TOR2A: variants seen among roughly 807,000 people sequenced by gnomAD.
TOR2A encodes the protein prosalusin.
Under a neutral mutation model 28.6 loss-of-function variants are expected in TOR2A, and 24 were observed. That is an observed-to-expected ratio of 0.84 (90% CI 0.61 to 1.18). TOR2A has a LOEUF of 1.18. Among genes scored for constraint, TOR2A ranks in the 50% most tolerant of loss-of-function variants. The pLI is 0.00. For synonymous variants in TOR2A, 203 were observed against 203.1 expected (o/e 1.00, Z 0.00); for missense variants, 426 against 448.1 (o/e 0.95, Z 0.45).
intron 1 of TOR2A, 104 bp downstream of exon 1, chr9:127,735,016 C>T (rs1418039341): frequency 1.7e-5 from 23 of 1,330,672 alleles, no homozygotes; most frequent in South Asian, 1.1e-4. Flanking sequence ...CCCTCTGGGT[C>T]CTCAGCTTCT....
At chr9:127,735,068 C>G (rs755100244) in intron 1 of TOR2A, 52 bp downstream of exon 1, 1,120 of 1,383,782 alleles carry the variant, frequency 8.1e-4, no homozygotes, top group Non-Finnish European at 9.9e-4. Context: ...CCAGCGCTCC[C>G]GCGTCTGCCC....
rs1844559305 is a variant in TOR2A at position 127,733,534 on chromosome 9, C to T, written c.444G>A (p.Gly148=). 1.2e-6 allele frequency: 2 copies of T among 1,613,038 alleles called. No homozygotes were observed. Among genetic ancestry groups the T allele is most frequent in the African/African-American group, 1.3e-5 (1 of 74,928 alleles). The change falls in exon 3 of 5, where the codon GGG becomes GGA. Residue 148 remains glycine, a synonymous_variant. Coordinates refer to ENST00000373284, the MANE Select transcript of TOR2A (RefSeq NM_001085347.3). The part of the protein sequence containing the change: ...YKKDLKSWVQ[G]NLTACGRSLF... ...GGGAGCGGCCACAGGCAGTGAGGTT[C>T]CCTTGGACCCAGCTCTTCAGATCCT...
intron 4 of TOR2A, 131 bp from the exon 5 acceptor site, chr9:127,732,409 G>A (rs1475228949): frequency 2.8e-6 from 4 of 1,450,782 alleles, no homozygotes; most frequent in Non-Finnish European, 3.6e-6. Flanking sequence ...GTAGGACTCA[G>A]GGGCTGTAAG....
At position 127,732,205 on chromosome 9, in the gene TOR2A, C is replaced by T. The variant is rs552773615; in HGVS notation, c.795G>A (p.Arg265=). Residue 265 remains arginine (R), a synonymous_variant, in exon 5 of 5, where the codon CGG becomes CGA. Transcript: ENST00000373284. ...DAVVPFLPLQ[R]HHVRHCVLNE... is the part of the protein sequence containing the mutation. ...TGAGCACGCAGTGCCGGACGTGGTG[C>T]CGCTGGAGCGGGAGGAAGGGCACCA... is the stretch of plus-strand genomic sequence containing the variant. 2 of 1,612,180 alleles carry T rather than the reference C, an allele frequency of 1.2e-6. No individual in the cohort carries two copies. The highest frequency in any genetic ancestry group is 1.3e-5 in the African/African-American group (1 of 75,038).
In TOR2A at chr9:127,735,214, C is replaced by T. The variant is rs754916763; in HGVS notation, c.57G>A (p.Gly19=). The T allele has an allele frequency of 1.4e-6, 2 of 1,476,068 alleles. No individual in the cohort carries two copies. The highest frequency in any genetic ancestry group is 8.9e-7 in the Non-Finnish European group (1 of 1,121,798). The allele number at this position is 1,476,068 out of a possible 1,614,324, so 91.4% of individuals were successfully genotyped here. The stretch of plus-strand genomic sequence containing the variant: ...AGGCGGCGGCCGCGGCCGAGACCAG[C>T]CCGAGCAGCCCGAGGAGCGAGCCCC... ...RPWGSLLGLL[G]LVSAAAAAWD... The change falls in exon 1 of 5, where the codon GGG becomes GGA. Residue 19 remains glycine, a synonymous_variant. Coordinates refer to ENST00000373284, the MANE Select transcript of TOR2A (RefSeq NM_001085347.3).
At position 127,731,697 on chromosome 9, in the gene TOR2A, C is replaced by G; in HGVS notation, c.*337G>C. On this transcript the variant is annotated 3_prime_UTR_variant, in exon 5 of 5. Transcript: ENST00000373284. ...GGAGGGGAGGAGGTATGGTGCCCGA[C>G]CAAGGAGGCAAGGGGCAAGGGTGGC... The G allele has an allele frequency of 1.1e-5, 8 of 714,984 alleles. No homozygotes were observed. Among genetic ancestry groups the G allele is most frequent in the Non-Finnish European group, 1.7e-5 (8 of 470,890 alleles). 44.3% of individuals were successfully genotyped at this position (714,984 alleles called of 1,614,324 possible).
At chr9:127,734,985 G>A in intron 1 of TOR2A, 135 bp downstream of exon 1, 3 of 1,267,120 alleles carry the variant, frequency 2.4e-6, no homozygotes, top group South Asian at 2.0e-5. Context: ...CCAAGTCTGC[G>A]GGCCCCGCCC....
rs751130884 is a variant in TOR2A at position 127,732,598 on chromosome 9, C to A, written c.687G>T (p.Pro229=). ...TGTCCAGCACCGCGCGGGAGATGAC[C>A]GGCTCCAGCTCCTGCAGGAGGATCT... ...REEILLQELE[P]VISRAVLDNP... Residue 229 remains proline, a synonymous_variant, in exon 4 of 5, where the codon CCG becomes CCT. Transcript: ENST00000373284. 32 of 1,588,152 alleles carry A rather than the reference C, an allele frequency of 2.0e-5. 1 individual carries two copies. The East Asian group carries it at 7.1e-4, about 35-fold the overall frequency.
rs1844441484 is a variant in TOR2A at position 127,731,879 on chromosome 9, C to T, written c.*155G>A. 1 of 1,439,236 alleles carries T rather than the reference C, an allele frequency of 6.9e-7. No homozygotes were observed. Among genetic ancestry groups the T allele is most frequent in the East Asian group, 2.5e-5 (1 of 40,564 alleles). The allele number at this position is 1,439,236 out of a possible 1,614,324, so 89.2% of individuals were successfully genotyped here. On this transcript the variant is annotated 3_prime_UTR_variant, in exon 5 of 5. Transcript: ENST00000373284. ...GGCCGGGGCCAAGATGCTCTCGAGC[C>T]AGTTTAGAGGCCAGGGCCCTTCCTG...
chr9:127,732,921 C>T, intron 3 of TOR2A: 1 of 1,413,724 alleles, frequency 7.1e-7, no homozygotes, highest in East Asian at 2.6e-5. Flanking sequence ...TTTTGTGTCC[C>T]TCAACTGACT....
chr9:127,733,316 C>T (rs1844543212), intron 3 of TOR2A, 69 bp downstream of exon 3: 5 of 1,613,286 alleles, frequency 3.1e-6, no homozygotes, highest in Non-Finnish European at 4.2e-6. Flanking sequence ...GGAGCACAGG[C>T]TAAGGCTGTA....
chr9:127,732,303 G>A lies in TOR2A; in HGVS notation c.722-25C>T, dbSNP rs775534958. 7 of 1,547,714 alleles carry A rather than the reference G, an allele frequency of 4.5e-6. No homozygotes were observed. In the East Asian group the frequency reaches 6.8e-5, roughly 15 times the overall value. ...TCTGCAGGAAGGGTAGGTGGGGAGG[G>A]GACTTTGTGCTTCACAAGAGGGGAG... On this transcript the variant is annotated intron_variant, in intron 4 of 4. Coordinates refer to ENST00000373284, the MANE Select transcript of TOR2A (RefSeq NM_001085347.3).
Position 127,732,653 on chromosome 9 carries a change from T to G in TOR2A, c.632A>C (p.Glu211Ala), listed in dbSNP as rs1844495788. 1.3e-6 allele frequency: 2 copies of G among 1,570,606 alleles called. No individual in the cohort carries two copies. The highest frequency in any genetic ancestry group is 4.7e-5 in the East Asian group (2 of 42,680). Reference protein sequence around the residue: ...GGKQINQVALEAWRSRRDREE... With the variant: ...GGKQINQVALAAWRSRRDREE... ...GCGGTCCCGCCGGCTGCGCCACGCC[T>G]CCAATGCCACCTGGTTGATCTGCTT... Residue 211 changes from glutamate (E) to alanine (A), a missense_variant, in exon 4 of 5, where the codon GAG becomes GCG. Glu to Ala is a moderately radical substitution (Grantham distance 107). Transcript: ENST00000373284.
intron 2 of TOR2A, 59 bp from the exon 3 acceptor site, chr9:127,733,619 TCTTC>T: frequency 6.8e-7 from 1 of 1,467,256 alleles, no homozygotes; most frequent in Non-Finnish European, 9.1e-7. Context: ...ACACCAGACC[TCTTC>T]CCAAACCAAA....
intron 2 of TOR2A, 69 bp from the exon 3 acceptor site, chr9:127,733,629 C>T: frequency 7.3e-7 from 1 of 1,373,850 alleles, no homozygotes; most frequent in South Asian, 1.4e-5. Context: ...TCTTCCCAAA[C>T]CAAAACTAAT....
chr9:127,732,371 C>T, intron 4 of TOR2A, 93 bp from the exon 5 acceptor site: 3 of 1,481,020 alleles, frequency 2.0e-6, no homozygotes, highest in Non-Finnish European at 2.7e-6. Flanking sequence ...AAAATGCTGG[C>T]CTCAGTTCCC....
rs1421142317 is a variant in TOR2A, at chr9:127,735,260, G to A, written c.11C>T (p.Ala4Val). 3 of 1,403,322 alleles carry A rather than the reference G, an allele frequency of 2.1e-6. No homozygotes were observed. The highest frequency in any genetic ancestry group is 1.5e-5 in the South Asian group (1 of 64,934). 86.9% of individuals were successfully genotyped at this position (1,403,322 alleles called of 1,614,324 possible). Residue 4 changes from alanine (A) to valine (V), a missense_variant, in exon 1 of 5, where the codon GCG (alanine) becomes GTG (valine). Coordinates refer to ENST00000373284, the MANE Select transcript of TOR2A (RefSeq NM_001085347.3). The stretch of plus-strand genomic sequence containing the variant: ...GCCCCAGGGCCGGCAGCCGCGCGTC[G>A]CAGCCGCCATCCGGGTGAGGCCCGA... MAA[A>V]TRGCRPWGSL...
rs780743987 is a variant in TOR2A, at chr9:127,733,422, C to T, written c.556G>A (p.Gly186Arg). 6.2e-6 allele frequency: 10 copies of T among 1,613,696 alleles called. No individual in the cohort carries two copies. The highest frequency in any genetic ancestry group is 2.2e-5 in the East Asian group (1 of 44,884). Reference protein sequence around the residue: ...PFLGSSWVVYGTNYRKAIFIF... With the variant: ...PFLGSSWVVYRTNYRKAIFIF... ...AAGATGGCTTTGCGGTAATTGGTCC[C>T]GTATACCACCCAGGAGGAGCCCAGG... The change falls in exon 3 of 5, where the codon GGG (glycine) becomes AGG (arginine). Residue 186 changes from glycine (G) to arginine (R), a missense_variant. By Grantham distance (125) the Gly-to-Arg change is moderately radical. Transcript: ENST00000373284.
At chr9:127,735,012 G>A in intron 1 of TOR2A, 108 bp downstream of exon 1, 2 of 1,319,988 alleles carry the variant, frequency 1.5e-6, no homozygotes, top group Non-Finnish European at 1.9e-6. Context: ...CCCACCCTCT[G>A]GGTCCTCAGC....
Sources: allele counts gnomAD v4.1 joint callset, GRCh38; gene constraint gnomAD v4.1.1; transcripts MANE v1.5; gene names NCBI Gene and HGNC (gene_info 2026-07-23, HGNC 2026-07-21).